The following ENTPD1 variants were observed in gnomAD, a reference collection of about 807,000 sequenced individuals.
ENTPD1 encodes ectonucleoside triphosphate diphosphohydrolase 1.
A neutral mutation model predicts 57.0 loss-of-function variants in ENTPD1; 33 were observed. The observed-to-expected ratio is 0.58, with a 90% CI of 0.44 to 0.77. ENTPD1 has a LOEUF of 0.77. ENTPD1 is among the 30% of genes least tolerant of loss of function. The pLI, the probability that ENTPD1 is intolerant of heterozygous loss-of-function variation, is 0.00. For synonymous variants in ENTPD1, 202 were observed against 218.8 expected (o/e 0.92, Z 0.68); for missense variants, 501 against 603.4 (o/e 0.83, Z 1.78).
chr10:95,869,847 A>AATT lies in ENTPD1; in HGVS notation c.*3465_*3467dup. The AATT allele has an allele frequency of 1.3e-6, 1 of 763,012 alleles. No homozygotes were observed. Among genetic ancestry groups the AATT allele is most frequent in the Non-Finnish European group, 1.6e-6 (1 of 627,006 alleles). 47.3% of individuals were successfully genotyped at this position (763,012 alleles called of 1,614,324 possible). ...AATTGTTAATATTTTTCTCATACTA[A>AATT]ATTTTCAAAATATTTTGTGTCTATT... On this transcript the variant is annotated 3_prime_UTR_variant, in exon 10 of 10. Coordinates refer to ENST00000371205, the MANE Select transcript of ENTPD1 (RefSeq NM_001776.6).
chr10:95,849,897 C>A (rs1216350554), intron 7 of ENTPD1, among the ~76,000 whole-genome samples: 1 of 152,226 alleles, frequency 6.6e-6, no homozygotes, highest in African/African-American at 2.4e-5. Flanking sequence ...TGGCCAAGGG[C>A]CTTTTTCATT....
chr10:95,770,966 AAAT>A (rs1589753559), intron 1 of ENTPD1, among the ~76,000 whole-genome samples: 1 of 152,122 alleles, frequency 6.6e-6, no homozygotes, highest in Non-Finnish European at 1.5e-5. Context: ...ATAAATAAGA[AAAT>A]AAAAATTTGT....
At chr10:95,841,221 C>G (rs1214545364) in intron 3 of ENTPD1, among the ~76,000 whole-genome samples, 1 of 152,080 alleles carries the variant, frequency 6.6e-6, no homozygotes, top group Non-Finnish European at 1.5e-5. Flanking sequence ...CCTGTATCTA[C>G]TAAAAATACA....
intron 2 of ENTPD1, among the ~76,000 whole-genome samples, chr10:95,826,834 G>T (rs1281501078): frequency 2.1e-5 from 3 of 141,036 alleles, no homozygotes; most frequent in Non-Finnish European, 4.9e-5. Flanking sequence ...ATTAGAGGAG[G>T]ATGAGATATA....
intron 1 of ENTPD1, among the ~76,000 whole-genome samples, chr10:95,725,456 G>A (rs1230638025): frequency 6.6e-6 from 1 of 151,544 alleles, no homozygotes; most frequent in Admixed American, 6.6e-5. Context: ...TAGCAACTCG[G>A]GATTCTGTTT....
chr10:95,704,566 CT>C, the ENTPD1 span, among the ~76,000 whole-genome samples: 37 of 152,118 alleles, frequency 2.4e-4, no homozygotes, highest in African/African-American at 8.7e-4. Context: ...TGTCAATAAA[CT>C]GTGCTGTACC....
intron 2 of ENTPD1, among the ~76,000 whole-genome samples, chr10:95,834,653 G>C (rs1041169732): frequency 8.5e-5 from 13 of 152,160 alleles, no homozygotes; most frequent in African/African-American, 3.1e-4. Context: ...TGACATTTGT[G>C]TAGGTAGAAT....
intron 1 of ENTPD1, chr10:95,785,017 G>A (rs1419398266): frequency 2.0e-5 from 3 of 152,170 alleles, no homozygotes; most frequent in African/African-American, 4.8e-5. Flanking sequence ...CTGCATATCA[G>A]AGACTCACAG....
At chr10:95,853,868 A>C (rs2098449752) in intron 7 of ENTPD1, among the ~76,000 whole-genome samples, 1 of 152,196 alleles carries the variant, frequency 6.6e-6, no homozygotes, top group South Asian at 2.1e-4. Context: ...ATCAATGTTC[A>C]TCAAGGATAT....
At chr10:95,718,810 T>A (rs1054906377) in intron 1 of ENTPD1, among the ~76,000 whole-genome samples, 1 of 152,152 alleles carries the variant, frequency 6.6e-6, no homozygotes, top group African/African-American at 2.4e-5. Context: ...AGTATACAAG[T>A]TGAGGTTGGG....
chr10:95,860,367 C>A, intron 7 of ENTPD1, 102 bp from the exon 8 acceptor site: 1 of 914,014 alleles, frequency 1.1e-6, no homozygotes, highest in Non-Finnish European at 1.7e-6. Context: ...ATTTACTCAG[C>A]AGAACTTTCC....
chr10:95,763,717 AG>A (rs1268144695), intron 1 of ENTPD1, among the ~76,000 whole-genome samples: 3 of 23,492 alleles, frequency 1.3e-4, no homozygotes, highest in African/African-American at 6.2e-4. Flanking sequence ...TAAACCACTG[AG>A]TTTTTTTATG....
In ENTPD1 at chr10:95,866,662, T is replaced by C; in HGVS notation, c.*279T>C. 1 of 1,267,062 alleles carries C rather than the reference T, an allele frequency of 7.9e-7. No individual in the cohort carries two copies. The highest frequency in any genetic ancestry group is 4.1e-5 in the East Asian group (1 of 24,184). 78.5% of individuals were successfully genotyped at this position (1,267,062 alleles called of 1,614,324 possible). On this transcript the variant is annotated 3_prime_UTR_variant, in exon 10 of 10. Transcript: ENST00000371205. ...GTATAGGTTTTAAAGACCTGACACC[T>C]TTCATAATCTTTGCTTTATAAAAGA... is the stretch of plus-strand genomic sequence containing the variant.
At chr10:95,856,233 T>A (rs943905748) in intron 7 of ENTPD1, among the ~76,000 whole-genome samples, 1 of 152,074 alleles carries the variant, frequency 6.6e-6, no homozygotes, top group Non-Finnish European at 1.5e-5. Flanking sequence ...CCAACAAACA[T>A]GAAAAAATGC....
chr10:95,854,731 A>T (rs2098451487), intron 7 of ENTPD1, among the ~76,000 whole-genome samples: 1 of 152,084 alleles, frequency 6.6e-6, no homozygotes, highest in Non-Finnish European at 1.5e-5. Context: ...GTTTCCATGT[A>T]GTTGAGCAGT....
chr10:95,784,102 C>CTTTTTTTTT (rs200561277), intron 1 of ENTPD1, among the ~76,000 whole-genome samples: 52 of 134,552 alleles, frequency 3.9e-4, no homozygotes, highest in Non-Finnish European at 5.9e-4. Context: ...TTTGCTTGTT[C>CTTTTTTTTT]TTTTTTTTTT....
intron 1 of ENTPD1, among the ~76,000 whole-genome samples, chr10:95,730,251 C>A (rs1263580347): frequency 6.6e-6 from 1 of 151,842 alleles, no homozygotes; most frequent in African/African-American, 2.4e-5. Flanking sequence ...GACAAGGTCC[C>A]GCCATGTTGC....
chr10:95,798,339 T>TA (rs1371288423), intron 1 of ENTPD1, among the ~76,000 whole-genome samples: 3 of 151,810 alleles, frequency 2.0e-5, no homozygotes, highest in Admixed American at 1.3e-4. Context: ...AGGAGAATTT[T>TA]AAAAAAAAGC....
upstream of ENTPD1, among the ~76,000 whole-genome samples, chr10:95,707,853 C>T (rs551795561): frequency 1.3e-5 from 2 of 152,328 alleles, no homozygotes; most frequent in South Asian, 2.1e-4. Flanking sequence ...GATCTGCCCA[C>T]CTTGGCATCC....
Sources: gnomAD v4.1 joint callset for allele counts (sites outside exome capture counted in the v4.1 genomes callset) on GRCh38, gnomAD v4.1.1 for gene constraint, MANE v1.5 for transcripts, NCBI Gene and HGNC (gene_info 2026-07-23, HGNC 2026-07-21) for gene names.